MDN1: variants seen among roughly 807,000 people sequenced by gnomAD.
The protein encoded by MDN1 is midasin.
A neutral mutation model predicts 669.2 loss-of-function variants in MDN1; 266 were observed. The ratio of observed to expected loss-of-function variants is 0.40; its 90% CI spans 0.36 to 0.44. MDN1 has a LOEUF of 0.44. MDN1 is among the 20% of genes least tolerant of loss of function. The pLI, the probability that MDN1 is intolerant of heterozygous loss-of-function variation, is 1.00. For synonymous variants in MDN1, 2,385 were observed against 2,457.1 expected (o/e 0.97, Z 0.87); for missense variants, 5,940 against 6,754.0 (o/e 0.88, Z 4.22).
intron 95 of MDN1, among the ~76,000 whole-genome samples, chr6:89,651,152 C>CAA (rs1472652093): frequency 2.9e-5 from 3 of 102,330 alleles, no homozygotes; most frequent in Admixed American, 1.0e-4. Flanking sequence ...CCTGTCTCTA[C>CAA]AAAAAAAAAA....
chr6:89,708,038 A>G (rs1813634322), intron 51 of MDN1, among the ~76,000 whole-genome samples: 5 of 152,150 alleles, frequency 3.3e-5, no homozygotes, highest in Admixed American at 2.6e-4. Flanking sequence ...ACAGTGGCTC[A>G]CACCTATAAC....
In MDN1 at chr6:89,790,302, C is replaced by G. The variant is rs1819185512; in HGVS notation, c.955G>C (p.Val319Leu). 6.2e-7 allele frequency: 1 copy of G among 1,614,160 alleles called. No individual in the cohort carries two copies. The highest frequency in any genetic ancestry group is 8.5e-7 in the Non-Finnish European group (1 of 1,180,034). ...AACAACACAGCATTCTGAGAAGCAA[C>G]CGCCATAGCCAGGGTCTGAAGACTT... is the stretch of plus-strand genomic sequence containing the variant. ...CKSLQTLAMA[V>L]ASQNAVLLEG... is the part of the protein sequence containing the mutation. Residue 319 changes from valine to leucine, a missense_variant, in exon 6 of 102, where the codon GTT becomes CTT. Transcript: ENST00000369393.
At chr6:89,786,294 C>A (rs956335122) in intron 8 of MDN1, among the ~76,000 whole-genome samples, 14 of 151,822 alleles carry the variant, frequency 9.2e-5, no homozygotes, top group African/African-American at 3.4e-4. Flanking sequence ...AAATCAAGGT[C>A]TATCAAAACT....
chr6:89,730,115 T>A (rs1246628672), intron 35 of MDN1, among the ~76,000 whole-genome samples: 1 of 152,200 alleles, frequency 6.6e-6, no homozygotes, highest in Admixed American at 6.5e-5. Flanking sequence ...CTAATCTAAC[T>A]GCCTCATTTA....
At chr6:89,771,471 G>T in intron 15 of MDN1, 90 bp downstream of exon 15, 1 of 1,151,236 alleles carries the variant, frequency 8.7e-7, no homozygotes, top group Non-Finnish European at 1.3e-6. Flanking sequence ...GAGCATCCTA[G>T]AACCTGTGGT....
rs1818882504 is a variant in MDN1 at position 89,785,068 on chromosome 6, CTAGCAAAGTAGCA to C, written c.1380_1392del (p.His460GlnfsTer18). On this transcript the variant is annotated frameshift_variant, in exon 9 of 102. Transcript: ENST00000369393. LOFTEE classifies it high-confidence loss of function. ...AGGTGAATTTTGGTCCAATATTTGT[CTAGCAAAGTAGCA>C]TGACTGTTTAGCGGTCGATACCAAT... The C allele has an allele frequency of 6.2e-7, 1 of 1,614,008 alleles. No individual in the cohort carries two copies. The highest frequency in any genetic ancestry group is 1.7e-5 in the Admixed American group (1 of 60,000).
intron 33 of MDN1, among the ~76,000 whole-genome samples, chr6:89,734,778 A>G (rs1815842428): frequency 6.6e-6 from 1 of 151,106 alleles, no homozygotes; most frequent in Non-Finnish European, 1.5e-5. Flanking sequence ...CAGTGTTGTA[A>G]ATGATACCAT....
Position 89,700,750 on chromosome 6 carries a change from A to ATGTC in MDN1, c.8530_8533dup (p.Ile2845ArgfsTer3), listed in dbSNP as rs1813099477. On this transcript the variant is annotated frameshift_variant, in exon 56 of 102. Transcript: ENST00000369393. LOFTEE classifies it high-confidence loss of function. Reference sequence around the variant, plus strand: ...AGAAGCAACCACTTGGAGACGGTTAATGTCTTCCTGCCATCCACTCTCCCC... The same window carrying ATGTC: ...AGAAGCAACCACTTGGAGACGGTTAATGTCTGTCTTCCTGCCATCCACTCTCCCC... 6.2e-7 allele frequency: 1 copy of ATGTC among 1,614,052 alleles called. No individual in the cohort carries two copies. Among genetic ancestry groups the ATGTC allele is most frequent in the African/African-American group, 1.3e-5 (1 of 74,916 alleles).
chr6:89,700,881 C>T, intron 55 of MDN1, 25 bp from the exon 56 acceptor site: 1 of 1,605,650 alleles, frequency 6.2e-7, no homozygotes, highest in Non-Finnish European at 8.5e-7. Flanking sequence ...CCCACAAGAG[C>T]ATACTATAGA....
chr6:89,689,482 T>C (rs1425536277), intron 65 of MDN1, among the ~76,000 whole-genome samples: 3 of 152,194 alleles, frequency 2.0e-5, no homozygotes, highest in African/African-American at 7.2e-5. Flanking sequence ...TTCTACAAGA[T>C]TGGTTGCTCC....
Position 89,699,579 on chromosome 6 carries a change from TATGTCTTA to T in MDN1, c.8997+14_8997+21del. 1 of 1,602,480 alleles carries T rather than the reference TATGTCTTA, an allele frequency of 6.2e-7. No homozygotes were observed. The highest frequency in any genetic ancestry group is 1.3e-5 in the African/African-American group (1 of 74,650). On this transcript the variant is annotated intron_variant, in intron 58 of 101. Transcript: ENST00000369393. The stretch of plus-strand genomic sequence containing the variant: ...ACCAACTCATAATGTAAAGGAGGCT[TATGTCTTA>T]TTGTGATTTTTACCTTCTGATGATG...
chr6:89,659,541 T>C (rs990293845), intron 88 of MDN1, among the ~76,000 whole-genome samples: 1 of 152,232 alleles, frequency 6.6e-6, no homozygotes, highest in Non-Finnish European at 1.5e-5. Flanking sequence ...TGACACTTTA[T>C]AGAAAATGTT....
chr6:89,669,579 C>T (rs1426191008), intron 83 of MDN1, among the ~76,000 whole-genome samples: 2 of 152,116 alleles, frequency 1.3e-5, no homozygotes, highest in African/African-American at 4.8e-5. Context: ...ATATCTTCCT[C>T]AAGTACATCT....
chr6:89,718,953 T>C lies in MDN1; in HGVS notation c.6135A>G (p.Ser2045=). 6.2e-7 allele frequency: 1 copy of C among 1,614,120 alleles called. No homozygotes were observed. Among genetic ancestry groups the C allele is most frequent in the Non-Finnish European group, 8.5e-7 (1 of 1,180,018 alleles). ...TCATGATTGACTCCAGGGGTTGGAA[T>C]GACTGGTGCAGGAGCAACAGGGGAT... The part of the protein sequence containing the change: ...SRHPLLLLHQ[S]FQPLESIMKC... The change falls in exon 42 of 102, where the codon TCA becomes TCG. Residue 2045 remains serine, a synonymous_variant. Coordinates refer to ENST00000369393, the MANE Select transcript of MDN1 (RefSeq NM_014611.3).
chr6:89,707,621 G>A (rs1028741425), intron 51 of MDN1, 145 bp from the exon 52 acceptor site: 1 of 640,132 alleles, frequency 1.6e-6, no homozygotes, highest in Non-Finnish European at 2.8e-6. Flanking sequence ...GGACTAAAGA[G>A]ATGGAGATGA....
rs377448634 is a variant in MDN1, at chr6:89,762,349, C to G, written c.2326G>C (p.Val776Leu). Residue 776 changes from valine to leucine, a missense_variant, in exon 16 of 102, where the codon GTT becomes CTT. By Grantham distance (32) the Val-to-Leu change is conservative. This residue lies in a region of MDN1 where 1,203 missense variants were observed against 1,268.9 expected (regional missense o/e 0.95). Coordinates refer to ENST00000369393, the MANE Select transcript of MDN1 (RefSeq NM_014611.3). ...TCACTGTCTTTTCCATCCTTGTTAA[C>G]AGCAGACTTGTGTACATGCTGCATT... Reference protein sequence around the residue: ...RLMQHVHKSAVNKDGKDSETG... With the variant: ...RLMQHVHKSALNKDGKDSETG... 9 of 1,614,118 alleles carry G rather than the reference C, an allele frequency of 5.6e-6. No homozygotes were observed. The African/African-American group carries it at 1.2e-4, about 22-fold the overall frequency.
chr6:89,709,425 T>C (rs1285448133), intron 50 of MDN1, among the ~76,000 whole-genome samples: 1 of 152,176 alleles, frequency 6.6e-6, no homozygotes, highest in African/African-American at 2.4e-5. Flanking sequence ...GCTAATGTGT[T>C]CCAACAGAGG....
Position 89,725,328 on chromosome 6 carries a change from A to G in MDN1, c.5541T>C (p.Tyr1847=), listed in dbSNP as rs1442781082. 1.4e-5 allele frequency: 22 copies of G among 1,613,976 alleles called. No individual in the cohort carries two copies. Among genetic ancestry groups the G allele is most frequent in the Non-Finnish European group, 1.9e-5 (22 of 1,179,954 alleles). The change falls in exon 38 of 102, where the codon TAT becomes TAC. Residue 1847 remains tyrosine, a synonymous_variant. Transcript: ENST00000369393. ...NACFDHRGEI[Y]VPELGMSFQV... ...GAAAGCTCATTCCTAACTCAGGCAC[A>G]TAGATTTCTCCTCGGTGGTCAAAAC...
Position 89,761,629 on chromosome 6 carries a change from A to C in MDN1, c.2460+16T>G. The C allele has an allele frequency of 3.8e-6, 6 of 1,567,444 alleles. No individual in the cohort carries two copies. In the African/African-American group the frequency reaches 6.8e-5, roughly 18 times the overall value. Reference sequence around the variant, plus strand: ...AATCAACGTTCCCATAAGCTAAATAACAAAAACAGAAATACCTCTACAAAT... The same window carrying C: ...AATCAACGTTCCCATAAGCTAAATACCAAAAACAGAAATACCTCTACAAAT... On this transcript the variant is annotated intron_variant, in intron 17 of 101. Transcript: ENST00000369393.
Sources: allele counts gnomAD v4.1 joint callset (sites outside exome capture counted in the v4.1 genomes callset), GRCh38; gene constraint gnomAD v4.1.1; regional missense constraint gnomAD v4.1.1; transcripts MANE v1.5; gene names NCBI Gene and HGNC (gene_info 2026-07-23, HGNC 2026-07-21).